ZCCHC7: variants seen among roughly 807,000 people sequenced by gnomAD.
ZCCHC7 encodes the protein zinc finger CCHC domain-containing protein 7.
ZCCHC7 carries 35 observed loss-of-function variants against 52.0 expected under a neutral mutation model. The observed-to-expected ratio is 0.67, with a 90% CI of 0.51 to 0.89. The LOEUF (loss-of-function observed/expected upper bound fraction) is 0.89. Among genes scored for constraint, ZCCHC7 ranks in the 40% least tolerant of loss-of-function variants. ZCCHC7 has a pLI of 0.00. For synonymous variants in ZCCHC7, 217 were observed against 221.5 expected, an observed-to-expected ratio of 0.98 and a Z score of 0.18; for missense variants, 574 against 649.1, an observed-to-expected ratio of 0.88 and a Z score of 1.26.
At chr9:37,131,090 C>T (rs1030576940) in intron 2 of ZCCHC7, among the ~76,000 whole-genome samples, 6 of 151,892 alleles carry the variant, frequency 4.0e-5, no homozygotes, top group African/African-American at 1.5e-4. Context: ...CCTGTAATCC[C>T]AGCACTTTGG....
chr9:37,230,895 T>C (rs1439556995), intron 2 of ZCCHC7, among the ~76,000 whole-genome samples: 2 of 152,176 alleles, frequency 1.3e-5, no homozygotes, highest in Non-Finnish European at 2.9e-5. Flanking sequence ...TAGACTTTTT[T>C]TTACACCACT....
intron 2 of ZCCHC7, among the ~76,000 whole-genome samples, chr9:37,204,024 A>C (rs1210971699): frequency 6.6e-6 from 1 of 152,052 alleles, no homozygotes; most frequent in Non-Finnish European, 1.5e-5. Flanking sequence ...ATGGTACCTC[A>C]TTGTGGTTTT....
chr9:37,218,724 G>A (rs568266577), intron 2 of ZCCHC7, among the ~76,000 whole-genome samples: 2 of 152,252 alleles, frequency 1.3e-5, no homozygotes, highest in South Asian at 2.1e-4. Flanking sequence ...CAGGAGAATC[G>A]CTTGAACCTG....
At chr9:37,137,491 T>A (rs1843048516) in intron 2 of ZCCHC7, among the ~76,000 whole-genome samples, 1 of 152,236 alleles carries the variant, frequency 6.6e-6, no homozygotes, top group African/African-American at 2.4e-5. Context: ...AAGCCACCTC[T>A]GCCTAAACAA....
chr9:37,127,156 C>A (rs1406317346), intron 2 of ZCCHC7, among the ~76,000 whole-genome samples: 1 of 152,206 alleles, frequency 6.6e-6, no homozygotes, highest in Non-Finnish European at 1.5e-5. Flanking sequence ...ACCAAAGACA[C>A]TCTGCTTCTG....
chr9:37,342,000 T>G (rs1820666526), intron 6 of ZCCHC7, among the ~76,000 whole-genome samples: 1 of 152,190 alleles, frequency 6.6e-6, no homozygotes, highest in South Asian at 2.1e-4. Context: ...TAGAGAGTTT[T>G]GAGCTGAAGA....
chr9:37,303,425 CAAAA>C (rs935274337), intron 3 of ZCCHC7, among the ~76,000 whole-genome samples: 7 of 117,766 alleles, frequency 5.9e-5, no homozygotes, highest in African/African-American at 2.2e-4. Flanking sequence ...AACTCCGTCT[CAAAA>C]AAAAAAAAAG....
In ZCCHC7 at chr9:37,319,949, T is replaced by C. The variant is rs559368080; in HGVS notation, c.952-7850T>C. ...CAAAGGTCAATTGGCCATATTTACATGGATTGATTCCTGTGCTCTATTTTG... is the reference window on the plus strand; with the variant it reads ...CAAAGGTCAATTGGCCATATTTACACGGATTGATTCCTGTGCTCTATTTTG... On this transcript the variant is annotated intron_variant, in intron 5 of 8. Coordinates refer to ENST00000336755, the MANE Select transcript of ZCCHC7 (RefSeq NM_032226.3). 3.7e-3 allele frequency among the ~76,000 whole-genome samples: 563 copies of C among 152,382 alleles called. 2 individuals carry two copies. Among genetic ancestry groups the C allele is most frequent in the South Asian group, 9.1e-3 (44 of 4,830 alleles).
At chr9:37,350,378 C>T (rs564592171) in intron 7 of ZCCHC7, among the ~76,000 whole-genome samples, 35 of 152,088 alleles carry the variant, frequency 2.3e-4, no homozygotes, top group Admixed American at 1.4e-3. Flanking sequence ...ATGATCCACC[C>T]GCCTCGGCCT....
At chr9:37,166,533 CTA>C (rs1159963243) in intron 2 of ZCCHC7, among the ~76,000 whole-genome samples, 1 of 151,720 alleles carries the variant, frequency 6.6e-6, no homozygotes, top group East Asian at 1.9e-4. Context: ...TGATTTTTCT[CTA>C]TTTTTTTTTA....
intron 2 of ZCCHC7, among the ~76,000 whole-genome samples, chr9:37,173,458 T>C (rs1423056174): frequency 6.6e-6 from 1 of 152,228 alleles, no homozygotes; most frequent in Non-Finnish European, 1.5e-5. Context: ...AAAACATTCT[T>C]TTCCAAAGGA....
intron 2 of ZCCHC7, among the ~76,000 whole-genome samples, chr9:37,206,103 TTTTTAACAGATATA>T (rs1346204590): frequency 6.6e-6 from 1 of 152,190 alleles, no homozygotes; most frequent in East Asian, 1.9e-4. Flanking sequence ...AGTTCTTTTA[TTTTTAACAGATATA>T]TGTCTAAAAG....
At chr9:37,199,505 G>A (rs1588468219) in intron 2 of ZCCHC7, among the ~76,000 whole-genome samples, 2 of 151,090 alleles carry the variant, frequency 1.3e-5, no homozygotes, top group East Asian at 3.9e-4. Context: ...TTAATTTTTT[G>A]TAATTTTACT....
chr9:37,134,779 G>A (rs1842930739), intron 2 of ZCCHC7, among the ~76,000 whole-genome samples: 1 of 152,166 alleles, frequency 6.6e-6, no homozygotes, highest in Non-Finnish European at 1.5e-5. Flanking sequence ...AGGCTGGAGT[G>A]CAACAGTGCA....
At chr9:37,298,475 C>T (rs1326769052) in intron 2 of ZCCHC7, among the ~76,000 whole-genome samples, 3 of 152,152 alleles carry the variant, frequency 2.0e-5, no homozygotes, top group African/African-American at 4.8e-5. Context: ...TGCTAATACC[C>T]AACAACAGGG....
chr9:37,320,988 T>C (rs1378403054), intron 5 of ZCCHC7, among the ~76,000 whole-genome samples: 1 of 51,520 alleles, frequency 1.9e-5, no homozygotes, highest in South Asian at 5.5e-4. Flanking sequence ...TTCTTTTTTC[T>C]TTTTTTTTTT....
intron 7 of ZCCHC7, among the ~76,000 whole-genome samples, chr9:37,352,484 G>C (rs530021035): frequency 7.4e-6 from 1 of 134,716 alleles, no homozygotes; most frequent in African/African-American, 2.9e-5. Context: ...CAAGACCTCT[G>C]TTACCTTTGC....
At chr9:37,314,497 T>C (rs1829726456) in intron 5 of ZCCHC7, among the ~76,000 whole-genome samples, 1 of 152,182 alleles carries the variant, frequency 6.6e-6, no homozygotes, top group Non-Finnish European at 1.5e-5. Context: ...AATCCACTAA[T>C]ACGAACAAAT....
Position 37,203,337 on chromosome 9 carries a change from A to G in ZCCHC7, c.610+76395A>G, listed in dbSNP as rs1036168868. ...TTTTTTTTACTTTAAGTACCAGGATACATGTACAGAATGTGTAGGTTTGTT... is the reference window on the plus strand; with the variant it reads ...TTTTTTTTACTTTAAGTACCAGGATGCATGTACAGAATGTGTAGGTTTGTT... On this transcript the variant is annotated intron_variant, in intron 2 of 8. Coordinates refer to ENST00000336755, the MANE Select transcript of ZCCHC7 (RefSeq NM_032226.3). Among the ~76,000 whole-genome samples the G allele has an allele frequency of 2.0e-5, 3 of 152,200 alleles. No homozygotes were observed. The East Asian group carries it at 5.8e-4, about 29-fold the overall frequency.
Sources: allele counts gnomAD v4.1 joint callset (sites outside exome capture counted in the v4.1 genomes callset), GRCh38; gene constraint gnomAD v4.1.1; transcripts MANE v1.5; gene names NCBI Gene and HGNC (gene_info 2026-07-23, HGNC 2026-07-21).